USP35: variants seen among roughly 807,000 people sequenced by gnomAD.
USP35 encodes the protein ubiquitin carboxyl-terminal hydrolase 35.
A neutral mutation model predicts 83.8 loss-of-function variants in USP35; 69 were observed. The ratio of observed to expected loss-of-function variants is 0.82; its 90% confidence interval spans 0.68 to 1.01. USP35 has a LOEUF of 1.01. Ranked by LOEUF, USP35 falls within the 50% of genes least tolerant of loss-of-function variation. The pLI is 0.00. For synonymous variants in USP35, 714 were observed against 589.5 expected (o/e 1.21, Z -3.06); for missense variants, 1,503 against 1,362.5 (o/e 1.10, Z -1.62).
the USP35 span, among the ~76,000 whole-genome samples, chr11:78,234,997 G>A: frequency 2.6e-5 from 4 of 152,080 alleles, no homozygotes; most frequent in South Asian, 4.2e-4. Flanking sequence ...GAGACAGAGC[G>A]ACAGACTTTC....
the USP35 span, among the ~76,000 whole-genome samples, chr11:78,222,664 C>T: frequency 1.7e-4 from 26 of 151,982 alleles, no homozygotes. Flanking sequence ...CTCACTGCAA[C>T]CTCTGCCTCC....
chr11:78,207,210 A>G (rs572317212), intron 7 of USP35: 26 of 235,882 alleles, frequency 1.1e-4, no homozygotes, highest in Middle Eastern at 2.9e-3. Flanking sequence ...TAACCCTAGA[A>G]TCCTGGGACC....
At chr11:78,210,859 T>C in intron 10 of USP35, 115 bp downstream of exon 10, 1 of 1,134,502 alleles carries the variant, frequency 8.8e-7, no homozygotes, top group Non-Finnish European at 1.2e-6. Flanking sequence ...CCCATTCATC[T>C]GTTGCTCAGT....
At chr11:78,220,901 C>T in the USP35 span, among the ~76,000 whole-genome samples, 1 of 152,140 alleles carries the variant, frequency 6.6e-6, no homozygotes, top group African/African-American at 2.4e-5. Flanking sequence ...TTTCTTCTGT[C>T]GCACCAAATC....
the USP35 span, among the ~76,000 whole-genome samples, chr11:78,225,538 T>G: frequency 9.2e-5 from 14 of 152,234 alleles, no homozygotes; most frequent in Non-Finnish European, 1.9e-4. Flanking sequence ...ATACTTGTCC[T>G]GATTTATATG....
At chr11:78,203,223 A>G (rs548054312) in intron 6 of USP35, among the ~76,000 whole-genome samples, 8 of 152,320 alleles carry the variant, frequency 5.3e-5, no homozygotes, top group African/African-American at 1.7e-4. Context: ...GATCCTGGAA[A>G]GCTTCATAGA....
rs967976114 is a variant in USP35, at chr11:78,213,979, ACCTAAGTC to A, written c.*170_*177del. On this transcript the variant is annotated 3_prime_UTR_variant, in exon 11 of 11. Coordinates refer to ENST00000529308, the MANE Select transcript of USP35 (RefSeq NM_020798.4). ...AGATTCTCTCAGATATGGAAGTAAGACCTAAGTCCCTTTCATTGGGGATCAGTCCCATT... is the reference window on the plus strand; with the variant it reads ...AGATTCTCTCAGATATGGAAGTAAGACCTTTCATTGGGGATCAGTCCCATT... 4.2e-6 allele frequency: 3 copies of A among 719,380 alleles called. No individual in the cohort carries two copies. The highest frequency in any genetic ancestry group is 8.6e-5 in the Admixed American group (2 of 23,328). The allele number at this position is 719,380 out of a possible 1,614,324, so 44.6% of individuals were successfully genotyped here.
chr11:78,207,647 G>C lies in USP35; in HGVS notation c.1485+24G>C, dbSNP rs543003912. On this transcript the variant is annotated intron_variant, in intron 8 of 10. Coordinates refer to ENST00000529308, the MANE Select transcript of USP35 (RefSeq NM_020798.4). Reference sequence around the variant, plus strand: ...AGGTGAGTGTAGGGGCAGTCAGAGGGGGGTGGAGAGGCAGCTCTGGTCAGG... The same window carrying C: ...AGGTGAGTGTAGGGGCAGTCAGAGGCGGGTGGAGAGGCAGCTCTGGTCAGG... 6.3e-5 allele frequency: 102 copies of C among 1,609,582 alleles called. 1 individual carries two copies. Among genetic ancestry groups the C allele is most frequent in the Admixed American group, 2.2e-4 (13 of 59,964 alleles).
chr11:78,216,577 C>T (rs1041501954), downstream of USP35: 1 of 149,452 alleles, frequency 6.7e-6, no homozygotes, highest in South Asian at 2.1e-4. Context: ...TGGTAGTTAC[C>T]AGAATAGGGG....
In USP35 at chr11:78,196,341, G is replaced by T. The variant is rs369232514; in HGVS notation, c.96G>T (p.Pro32=). 1.9e-6 allele frequency: 3 copies of T among 1,583,912 alleles called. No individual in the cohort carries two copies. The South Asian group carries it at 3.3e-5, about 18-fold the overall frequency. The change falls in exon 2 of 11, where the codon CCG becomes CCT. Residue 32 remains proline, a synonymous_variant. Transcript: ENST00000529308. The surrounding 1 kb of genome is among the most constrained non-coding windows in gnomAD (Gnocchi z 4.8). ...GCGTGCTGGAGGCGGCGCGGCAGCC[G>T]CTGGAGCGTGAGCAGTGCCTGGCGC... ...VRRVLEAARQ[P]LEREQCLALL... is the part of the protein sequence containing the mutation.
the USP35 span, chr11:78,222,146 G>A: frequency 9.4e-5 from 151 of 1,614,010 alleles, no homozygotes; most frequent in Middle Eastern, 2.3e-3. Flanking sequence ...ACTTGAAGGG[G>A]AGTTCATCGA....
the USP35 span, among the ~76,000 whole-genome samples, chr11:78,232,622 C>T: frequency 2.6e-5 from 4 of 152,180 alleles, no homozygotes; most frequent in Non-Finnish European, 5.9e-5. Flanking sequence ...TACATATTAT[C>T]TAGTACTTGA....
chr11:78,225,243 T>G, the USP35 span: 2 of 1,345,750 alleles, frequency 1.5e-6, no homozygotes, highest in Non-Finnish European at 2.1e-6. Flanking sequence ...CATGGTTGAT[T>G]CATGTGTTGA....
At chr11:78,226,341 G>A in the USP35 span, 10 of 751,618 alleles carry the variant, frequency 1.3e-5, no homozygotes, top group Non-Finnish European at 2.1e-5. Context: ...ATGTTTTTGA[G>A]TATCAGTGAC....
At position 78,214,377 on chromosome 11, in the gene USP35, T is replaced by TC. The variant is rs139748612; in HGVS notation, c.*564_*565insC. The TC allele has an allele frequency of 8.7e-3, 460 of 52,884 alleles. 20 individuals carry two copies. Among genetic ancestry groups the TC allele is most frequent in the African/African-American group, 0.027 (434 of 16,076 alleles). The allele number at this position is 52,884 out of a possible 1,614,324, so 3.3% of individuals were successfully genotyped here. On this transcript the variant is annotated 3_prime_UTR_variant, in exon 11 of 11. Coordinates refer to ENST00000529308, the MANE Select transcript of USP35 (RefSeq NM_020798.4). ...CCTTACCAAGCGCCACTGCATGGTT[T>TC]TGGGGGGGGGGGCGGGGGGCTAGCT... is the stretch of plus-strand genomic sequence containing the variant.
intron 5 of USP35, 125 bp downstream of exon 5, chr11:78,200,359 C>G: frequency 8.5e-7 from 1 of 1,179,596 alleles, no homozygotes; most frequent in Non-Finnish European, 1.2e-6. Context: ...GGTCACTTGG[C>G]TGAGGCCAAG....
intron 7 of USP35, 65 bp downstream of exon 7, chr11:78,206,100 G>C: frequency 6.4e-7 from 1 of 1,551,782 alleles, no homozygotes; most frequent in Non-Finnish European, 8.8e-7. Context: ...CTGATGACAG[G>C]TGGAAAGGTG....
Position 78,209,721 on chromosome 11 carries a change from A to G in USP35, c.1866A>G (p.Thr622=). Residue 622 remains threonine (T), a synonymous_variant, in exon 10 of 11, where the codon ACA becomes ACG. Coordinates refer to ENST00000529308, the MANE Select transcript of USP35 (RefSeq NM_020798.4). ...GSVMRPTEDI[T]ARELPPPTSA... ...TGATGCGCCCCACAGAAGACATCACAGCCCGGGAGTTGCCCCCACCAACCA... is the reference window on the plus strand; with the variant it reads ...TGATGCGCCCCACAGAAGACATCACGGCCCGGGAGTTGCCCCCACCAACCA... The G allele has an allele frequency of 1.2e-6, 2 of 1,614,022 alleles. No individual in the cohort carries two copies. The highest frequency in any genetic ancestry group is 1.1e-5 in the South Asian group (1 of 91,070).
At chr11:78,219,480 GT>G, downstream of USP35, 1 of 1,470,290 alleles carries the variant, frequency 6.8e-7, no homozygotes. Context: ...GAGGAAGAAG[GT>G]GGGCACGGGA....
Sources: allele counts gnomAD v4.1 joint callset (sites outside exome capture counted in the v4.1 genomes callset), GRCh38; gene constraint gnomAD v4.1.1; non-coding constraint Gnocchi (gnomAD v3.1); transcripts MANE v1.5; gene names NCBI Gene and HGNC (gene_info 2026-07-23, HGNC 2026-07-21).